SWT1: variants seen among roughly 807,000 people sequenced by gnomAD.
The protein encoded by SWT1 is SWT1 RNA endoribonuclease homolog, also known as transcriptional protein SWT1.
A neutral mutation model predicts 107.3 loss-of-function variants in SWT1; 33 were observed. The observed-to-expected ratio is 0.31, with a 90% CI of 0.23 to 0.41. The LOEUF (loss-of-function observed/expected upper bound fraction) is 0.41. Among genes scored for constraint, SWT1 ranks in the 10% least tolerant of loss-of-function variants. SWT1 has a pLI of 1.00. For synonymous variants in SWT1, 345 were observed against 348.3 expected, an observed-to-expected ratio of 0.99 and a Z score of 0.11; for missense variants, 898 against 1,028.9, an observed-to-expected ratio of 0.87 and a Z score of 1.74.
At chr1:185,276,145 T>G (rs1274711464) in intron 17 of SWT1, among the ~76,000 whole-genome samples, 1 of 152,172 alleles carries the variant, frequency 6.6e-6, no homozygotes, top group Non-Finnish European at 1.5e-5. Context: ...TTTTATATGA[T>G]GAAAGATTTT....
intron 18 of SWT1, chr1:185,281,578 T>C: frequency 4.3e-6 from 1 of 233,998 alleles, no homozygotes; most frequent in Non-Finnish European, 8.7e-6. Flanking sequence ...ATGTCAGCCC[T>C]GATGAGTTTG....
chr1:185,288,683 T>C (rs1482898409), intron 18 of SWT1, among the ~76,000 whole-genome samples: 1 of 152,188 alleles, frequency 6.6e-6, no homozygotes, highest in Non-Finnish European at 1.5e-5. Flanking sequence ...CAGTTTTGAA[T>C]ACTTAACATG....
chr1:185,188,640 A>G (rs1656694088), intron 9 of SWT1, among the ~76,000 whole-genome samples: 1 of 152,220 alleles, frequency 6.6e-6, no homozygotes, highest in South Asian at 2.1e-4. Context: ...ACCGTATATA[A>G]GTATTTATTG....
chr1:185,253,739 A>G (rs1662245540), intron 16 of SWT1, among the ~76,000 whole-genome samples: 1 of 151,018 alleles, frequency 6.6e-6, no homozygotes, highest in African/African-American at 2.5e-5. Flanking sequence ...GGACAATTTG[A>G]CTTCTCTTTT....
intron 10 of SWT1, among the ~76,000 whole-genome samples, chr1:185,199,810 G>A (rs1238930886): frequency 6.6e-6 from 1 of 152,160 alleles, no homozygotes; most frequent in East Asian, 1.9e-4. Context: ...GGTTGGGGAA[G>A]TTCTCCTGGA....
At chr1:185,187,508 TG>T (rs1360155270) in intron 9 of SWT1, among the ~76,000 whole-genome samples, 2 of 152,180 alleles carry the variant, frequency 1.3e-5, no homozygotes, top group Non-Finnish European at 2.9e-5. Context: ...TACCAGACAC[TG>T]TTCCAAGTGT....
At chr1:185,245,250 C>A (rs1021912927) in intron 16 of SWT1, among the ~76,000 whole-genome samples, 4 of 151,640 alleles carry the variant, frequency 2.6e-5, no homozygotes, top group Admixed American at 1.3e-4. Context: ...TTATTTTTTA[C>A]TTTTTAAGCT....
intron 14 of SWT1, among the ~76,000 whole-genome samples, chr1:185,217,277 T>C (rs1196839969): frequency 6.6e-6 from 1 of 152,170 alleles, no homozygotes; most frequent in Non-Finnish European, 1.5e-5. Context: ...CCATGACTGG[T>C]ATTGGCATAG....
rs750416016 is a variant in SWT1, at chr1:185,184,771, C to G, written c.1269C>G (p.Pro423=). 1 of 1,609,992 alleles carries G rather than the reference C, an allele frequency of 6.2e-7. No individual in the cohort carries two copies. Among genetic ancestry groups the G allele is most frequent in the South Asian group, 1.1e-5 (1 of 90,308 alleles). The part of the protein sequence containing the change: ...PGFDKLVLII[P]WVVMQELDRM... ...TTGACAAACTTGTGTTAATAATTCC[C>G]TGGGTCGTTATGCAAGAGCTAGATC... Residue 423 remains proline (P), a synonymous_variant, in exon 9 of 19, where the codon CCC becomes CCG. Coordinates refer to ENST00000367500, the MANE Select transcript of SWT1 (RefSeq NM_017673.7).
intron 9 of SWT1, among the ~76,000 whole-genome samples, chr1:185,188,462 A>G (rs534685955): frequency 2.0e-4 from 31 of 152,316 alleles, no homozygotes; most frequent in African/African-American, 7.5e-4. Flanking sequence ...GAAATTGACT[A>G]CTGTGATATA....
At position 185,196,050 on chromosome 1, in the gene SWT1, G is replaced by A. The variant is rs1352505056; in HGVS notation, c.1523+5408G>A. Among the ~76,000 whole-genome samples, 8 of 152,230 alleles carry A rather than the reference G, an allele frequency of 5.3e-5. No homozygotes were observed. In the East Asian group the frequency reaches 1.4e-3, roughly 26 times the overall value. On this transcript the variant is annotated intron_variant, in intron 10 of 18. Transcript: ENST00000367500. ...TGTTGCCATTGCTTTTGGTGTTTTA[G>A]TCATGAAGTCTTTGCCCATGCCTAT...
Position 185,206,747 on chromosome 1 carries a change from C to CA in SWT1, c.1961dup (p.Asn654LysfsTer4). On this transcript the variant is annotated frameshift_variant, in exon 13 of 19. Transcript: ENST00000367500. LOFTEE classifies it high-confidence loss of function. ...TGCTTTTAACTATTGAGAGCCTATA[C>CA]AAAAATCTCCGTAAAGGTATGAATC... The CA allele has an allele frequency of 6.3e-7, 1 of 1,596,850 alleles. No individual in the cohort carries two copies. Among genetic ancestry groups the CA allele is most frequent in the Non-Finnish European group, 8.5e-7 (1 of 1,172,952 alleles).
At chr1:185,214,083 C>T (rs370740577) in intron 13 of SWT1, among the ~76,000 whole-genome samples, 13 of 152,138 alleles carry the variant, frequency 8.5e-5, no homozygotes, top group African/African-American at 2.4e-4. Flanking sequence ...GAGGTGATGA[C>T]GAGAGGTACC....
chr1:185,198,010 C>A (rs139822928), intron 10 of SWT1, among the ~76,000 whole-genome samples: 1 of 151,998 alleles, frequency 6.6e-6, no homozygotes, highest in Non-Finnish European at 1.5e-5. Context: ...TGTTTCTCTA[C>A]GTCTTTTAAT....
At chr1:185,223,892 A>G (rs1009607358) in intron 15 of SWT1, among the ~76,000 whole-genome samples, 4 of 152,180 alleles carry the variant, frequency 2.6e-5, no homozygotes, top group African/African-American at 9.6e-5. Flanking sequence ...AAGTGAGCAC[A>G]AGCGGTATTT....
intron 16 of SWT1, among the ~76,000 whole-genome samples, chr1:185,235,739 A>G (rs555890395): frequency 1.3e-5 from 2 of 152,298 alleles, no homozygotes; most frequent in South Asian, 2.1e-4. Flanking sequence ...AGGGTATTCA[A>G]ATAGGAAGAG....
At chr1:185,241,561 A>C (rs1661256004) in intron 16 of SWT1, among the ~76,000 whole-genome samples, 1 of 152,112 alleles carries the variant, frequency 6.6e-6, no homozygotes, top group South Asian at 2.1e-4. Flanking sequence ...TTTTGTAAAA[A>C]ATAATTTTAT....
At chr1:185,198,891 C>T (rs1657629679) in intron 10 of SWT1, among the ~76,000 whole-genome samples, 1 of 151,448 alleles carries the variant, frequency 6.6e-6, no homozygotes, top group African/African-American at 2.4e-5. Flanking sequence ...ACTCTTTATC[C>T]AATTTGCTAG....
intron 10 of SWT1, among the ~76,000 whole-genome samples, chr1:185,192,211 A>G (rs905367172): frequency 7.2e-5 from 11 of 152,178 alleles, no homozygotes; most frequent in African/African-American, 2.7e-4. Context: ...TTGCTTTTCT[A>G]AACTCCAGGC....
Sources: allele counts gnomAD v4.1 joint callset (sites outside exome capture counted in the v4.1 genomes callset), GRCh38; gene constraint gnomAD v4.1.1; transcripts MANE v1.5; gene names NCBI Gene and HGNC (gene_info 2026-07-23, HGNC 2026-07-21).